The following GRAMD4 variants were observed in gnomAD, a reference collection of about 807,000 sequenced individuals.
GRAMD4 encodes GRAM domain-containing protein 4.
A neutral mutation model predicts 83.9 loss-of-function variants in GRAMD4; 25 were observed. That is an observed-to-expected ratio of 0.30 (90% CI 0.22 to 0.42). The LOEUF (loss-of-function observed/expected upper bound fraction) is 0.42, where lower values mean the gene tolerates loss of function less well. Ranked by LOEUF, GRAMD4 falls within the 10% of genes least tolerant of loss-of-function variation. The pLI is 1.00. For synonymous variants in GRAMD4, 336 were observed against 320.9 expected (o/e 1.05, Z -0.50); for missense variants, 593 against 788.7 (o/e 0.75, Z 2.97).
At chr22:46,682,326 G>T (rs1256755798), downstream of GRAMD4, 1 of 611,326 alleles carries the variant, frequency 1.6e-6, no homozygotes, top group Admixed American at 6.3e-5. Context: ...AGGGGAAATA[G>T]CTGGACCATG....
chr22:46,655,231 C>T (rs2082225151), intron 3 of GRAMD4, among the ~76,000 whole-genome samples: 1 of 114,836 alleles, frequency 8.7e-6, no homozygotes, highest in South Asian at 3.0e-4. Context: ...GCCCAAAAAG[C>T]AAAGATGAGG....
Position 46,620,501 on chromosome 22 carries a change from C to T in GRAMD4, c.-114C>T, listed in dbSNP as rs1416818282. The T allele has an allele frequency of 1.0e-5, 10 of 979,264 alleles. No individual in the cohort carries two copies. Among genetic ancestry groups the T allele is most frequent in the Non-Finnish European group, 9.7e-6 (8 of 828,910 alleles). 60.7% of individuals were successfully genotyped at this position (979,264 alleles called of 1,614,324 possible). A position where few individuals can be genotyped will look rare whatever the true frequency, so the allele number is the denominator to read the frequency against. On this transcript the variant is annotated 5_prime_UTR_variant, in exon 1 of 19. Transcript: ENST00000406902. This position sits in a 1 kb window ranked among gnomAD's most constrained non-coding sequence, Gnocchi z 4.7. ...TGGGTCCTCGTAGCACATCCTGGTT[C>T]TGGGCCAGGACCTGAAGGAGCCACA...
At chr22:46,588,267 G>A (rs149990675) in intron 1 of GRAMD4, among the ~76,000 whole-genome samples, 178 of 152,174 alleles carry the variant, frequency 1.2e-3, no homozygotes, top group African/African-American at 4.0e-3. Context: ...CCCACAACCC[G>A]ATGGATGAGG....
intron 8 of GRAMD4, among the ~76,000 whole-genome samples, 181 bp from the exon 9 acceptor site, chr22:46,665,434 C>A (rs981407979): frequency 6.6e-6 from 1 of 152,206 alleles, no homozygotes; most frequent in African/African-American, 2.4e-5. Flanking sequence ...GGCTCTTAAA[C>A]CGGGGAAGCA....
chr22:46,606,984 C>T (rs906248839), intron 1 of GRAMD4, among the ~76,000 whole-genome samples: 1 of 149,160 alleles, frequency 6.7e-6, no homozygotes, highest in Non-Finnish European at 1.5e-5. Flanking sequence ...GGCTTACCCT[C>T]CCCAGCTGTG....
In GRAMD4 at chr22:46,626,817, C is replaced by A. The variant is rs1234925606; in HGVS notation, c.18C>A (p.Asp6Glu). 2 of 1,613,712 alleles carry A rather than the reference C, an allele frequency of 1.2e-6. No homozygotes were observed. The highest frequency in any genetic ancestry group is 8.5e-7 in the Non-Finnish European group (1 of 1,179,774). The change falls in exon 2 of 19, where the codon GAC becomes GAA. Residue 6 changes from aspartate to glutamate, a missense_variant. Physicochemically the swap from Asp to Glu is conservative, Grantham distance 45. Transcript: ENST00000406902. Reference sequence around the variant, plus strand: ...TGCTGAACATGCTAAGGAGGTTGGACAAAATCAGGTTCAGAGGTCACAAGA... The same window carrying A: ...TGCTGAACATGCTAAGGAGGTTGGAAAAAATCAGGTTCAGAGGTCACAAGA... The part of the protein sequence containing the change: MLRRL[D>E]KIRFRGHKRD...
intron 3 of GRAMD4, among the ~76,000 whole-genome samples, chr22:46,654,047 C>T (rs1382575998): frequency 2.6e-5 from 4 of 152,190 alleles, no homozygotes; most frequent in Non-Finnish European, 4.4e-5. Flanking sequence ...CACCGGCTGA[C>T]GGGGCATTTG....
chr22:46,682,563 C>A, downstream of GRAMD4: 1 of 309,106 alleles, frequency 3.2e-6, no homozygotes, highest in Non-Finnish European at 4.7e-6. Flanking sequence ...GCCACTCCTG[C>A]GGTGAACAGT....
rs533081391 is a variant in GRAMD4 at position 46,652,977 on chromosome 22, C to T, written c.284-5210C>T. ...AGGCCGGTGCGATGGAGTCGTGGGG[C>T]GTGTGATCATCATTTCAGTTTCGGG... On this transcript the variant is annotated intron_variant, in intron 3 of 18. Coordinates refer to ENST00000406902, the MANE Select transcript of GRAMD4 (RefSeq NM_015124.5). Among the ~76,000 whole-genome samples the T allele has an allele frequency of 7.9e-5, 12 of 152,228 alleles. No individual in the cohort carries two copies. The South Asian group carries it at 2.3e-3, about 29-fold the overall frequency.
intron 3 of GRAMD4, among the ~76,000 whole-genome samples, chr22:46,638,249 G>A (rs1410384776): frequency 6.6e-6 from 1 of 152,272 alleles, no homozygotes; most frequent in Non-Finnish European, 1.5e-5. Context: ...CGGGGTAAAG[G>A]AGAGTCTCTG....
At chr22:46,588,847 C>G (rs1359714844) in intron 1 of GRAMD4, among the ~76,000 whole-genome samples, 3 of 152,004 alleles carry the variant, frequency 2.0e-5, no homozygotes, top group Non-Finnish European at 4.4e-5. Flanking sequence ...GAGCCGAAGC[C>G]TTTCTTCTCA....
intron 2 of GRAMD4, among the ~76,000 whole-genome samples, chr22:46,633,243 T>G (rs925688896): frequency 3.9e-5 from 6 of 152,218 alleles, no homozygotes; most frequent in African/African-American, 1.4e-4. Context: ...CCCGTGGGCC[T>G]TCCTCCCCTG....
chr22:46,629,896 G>A (rs1009810048), intron 2 of GRAMD4, among the ~76,000 whole-genome samples: 1 of 152,188 alleles, frequency 6.6e-6, no homozygotes. Flanking sequence ...ATAACATGAG[G>A]CCTCGTGTGT....
intron 1 of GRAMD4, among the ~76,000 whole-genome samples, chr22:46,611,227 A>T (rs1048258574): frequency 2.0e-5 from 3 of 151,512 alleles, no homozygotes; most frequent in African/African-American, 4.9e-5. Context: ...AAAAAAAAAA[A>T]ATATTAAATA....
At chr22:46,664,165 C>A in intron 8 of GRAMD4, 48 bp downstream of exon 8, 2 of 1,304,896 alleles carry the variant, frequency 1.5e-6, no homozygotes, top group Non-Finnish European at 2.2e-6. Context: ...GATGTGCCTG[C>A]CAGCATTCAC....
chr22:46,595,899 G>A (rs992410218), intron 1 of GRAMD4, among the ~76,000 whole-genome samples: 1 of 151,934 alleles, frequency 6.6e-6, no homozygotes, highest in Non-Finnish European at 1.5e-5. Flanking sequence ...CTTACCCAGG[G>A]AGGCTGAGGA....
intron 1 of GRAMD4, among the ~76,000 whole-genome samples, chr22:46,608,785 G>C (rs1274896095): frequency 1.3e-5 from 2 of 152,168 alleles, no homozygotes; most frequent in Admixed American, 1.3e-4. Context: ...GAGATGGAAG[G>C]ATGGCTTGAA....
Position 46,655,008 on chromosome 22 carries a change from C to T in GRAMD4, c.284-3179C>T, listed in dbSNP as rs113259846. Among the ~76,000 whole-genome samples, 402 of 152,264 alleles carry T rather than the reference C, an allele frequency of 2.6e-3. 4 individuals are homozygous for T. The highest frequency in any genetic ancestry group is 9.1e-3 in the African/African-American group (377 of 41,540). On this transcript the variant is annotated intron_variant, in intron 3 of 18. Coordinates refer to ENST00000406902, the MANE Select transcript of GRAMD4 (RefSeq NM_015124.5). ...CGTGAGAGAAGATGACAGAAGGCTA[C>T]GCCAGATGGGGGGGCTGTTGGGGAA...
At chr22:46,595,151 G>A (rs970703237) in intron 1 of GRAMD4, among the ~76,000 whole-genome samples, 4 of 152,118 alleles carry the variant, frequency 2.6e-5, no homozygotes, top group Admixed American at 2.6e-4. Context: ...CACAGGGTGG[G>A]GGAAGTGAAG....
Sources: allele counts gnomAD v4.1 joint callset (sites outside exome capture counted in the v4.1 genomes callset), GRCh38; gene constraint gnomAD v4.1.1; non-coding constraint Gnocchi (gnomAD v3.1); transcripts MANE v1.5; gene names NCBI Gene and HGNC (gene_info 2026-07-23, HGNC 2026-07-21).